The following MGAT4C variants were observed in gnomAD, a reference collection of about 807,000 sequenced individuals.
MGAT4C encodes alpha-1,3-mannosyl-glycoprotein 4-beta-N-acetylglucosaminyltransferase C.
In MGAT4C, 19 loss-of-function variants were observed where a neutral mutation model predicts 40.1. The ratio of observed to expected loss-of-function variants is 0.47; its 90% confidence interval spans 0.33 to 0.70. The LOEUF is 0.70. MGAT4C is among the 30% of genes least tolerant of loss of function. The pLI, the probability that MGAT4C is intolerant of heterozygous loss-of-function variation, is 0.02. For synonymous variants in MGAT4C, 181 were observed against 187.1 expected (o/e 0.97, Z 0.27); for missense variants, 491 against 563.2 (o/e 0.87, Z 1.30).
intron 2 of MGAT4C, among the ~76,000 whole-genome samples, chr12:86,641,059 C>T (rs1054139404): frequency 4.0e-5 from 6 of 151,404 alleles, no homozygotes; most frequent in South Asian, 2.1e-4. Flanking sequence ...TGGTGTGGTG[C>T]GGAAAAAAAT....
intron 1 of MGAT4C, among the ~76,000 whole-genome samples, chr12:86,797,802 C>T (rs1397648891): frequency 6.6e-6 from 1 of 151,866 alleles, no homozygotes; most frequent in African/African-American, 2.4e-5. Context: ...ATTTGAACCT[C>T]TCTTCTTCTG....
intron 1 of MGAT4C, among the ~76,000 whole-genome samples, chr12:86,752,080 G>A (rs1364164631): frequency 6.6e-6 from 1 of 151,976 alleles, no homozygotes; most frequent in Non-Finnish European, 1.5e-5. Flanking sequence ...TCACCAGATT[G>A]AATGAGATAA....
In MGAT4C at chr12:86,011,926, G is replaced by A. The variant is rs910378504; in HGVS notation, c.-6-22374C>T. On this transcript the variant is annotated intron_variant, in intron 2 of 4. Coordinates refer to ENST00000611864, the MANE Select transcript of MGAT4C (RefSeq NM_001351288.2). Reference sequence around the variant, plus strand: ...GCCTGAAAATAGCAATCACACAAATGAAGATGAGTTACTTGAGCAGGAGAT... The same window carrying A: ...GCCTGAAAATAGCAATCACACAAATAAAGATGAGTTACTTGAGCAGGAGAT... 2.3e-5 allele frequency: 21 copies of A among 894,586 alleles called. No individual in the cohort carries two copies. The African/African-American group carries it at 3.6e-4, about 15-fold the overall frequency. The allele number at this position is 894,586 out of a possible 1,614,324, so 55.4% of individuals were successfully genotyped here.
intron 4 of MGAT4C, among the ~76,000 whole-genome samples, chr12:86,281,463 T>C (rs888931065): frequency 1.3e-5 from 2 of 150,946 alleles, no homozygotes; most frequent in East Asian, 3.8e-4. Context: ...TGTATATGTA[T>C]CTTCAAAATG....
At chr12:86,264,646 G>C (rs1952741453) in intron 4 of MGAT4C, among the ~76,000 whole-genome samples, 1 of 152,186 alleles carries the variant, frequency 6.6e-6, no homozygotes, top group African/African-American at 2.4e-5. Context: ...GCCAGGGACA[G>C]GCAGGGTCCC....
At chr12:86,034,198 T>C (rs1395337312) in intron 2 of MGAT4C, among the ~76,000 whole-genome samples, 1 of 149,846 alleles carries the variant, frequency 6.7e-6, no homozygotes, top group Non-Finnish European at 1.5e-5. Flanking sequence ...ACCAAGGATA[T>C]TGGCATGAAG....
At chr12:86,284,702 T>C (rs1219148139) in intron 4 of MGAT4C, among the ~76,000 whole-genome samples, 1 of 151,994 alleles carries the variant, frequency 6.6e-6, no homozygotes, top group African/African-American at 2.4e-5. Flanking sequence ...ACCATGTAAG[T>C]GTACACTTTT....
chr12:86,417,513 T>C (rs1956742040), intron 3 of MGAT4C, among the ~76,000 whole-genome samples: 1 of 152,134 alleles, frequency 6.6e-6, no homozygotes, highest in Non-Finnish European at 1.5e-5. Context: ...TATTAGTAAT[T>C]TAATTAAATT....
intron 3 of MGAT4C, among the ~76,000 whole-genome samples, chr12:86,402,762 A>G (rs1365160645): frequency 6.6e-6 from 1 of 152,208 alleles, no homozygotes; most frequent in Non-Finnish European, 1.5e-5. Flanking sequence ...ATCTGGTTAT[A>G]AAGACAAATC....
chr12:86,099,810 A>C (rs1874633245), intron 1 of MGAT4C, among the ~76,000 whole-genome samples: 1 of 151,492 alleles, frequency 6.6e-6, no homozygotes, highest in African/African-American at 2.4e-5. Context: ...TGTGGCATGA[A>C]ACATGGCCAA....
intron 1 of MGAT4C, among the ~76,000 whole-genome samples, chr12:86,242,689 A>G (rs140918580): frequency 2.0e-5 from 3 of 152,142 alleles, no homozygotes; most frequent in African/African-American, 7.2e-5. Flanking sequence ...AAAGAGAGGG[A>G]AAAATGGAGG....
intron 1 of MGAT4C, among the ~76,000 whole-genome samples, chr12:86,144,288 T>C (rs1053092335): frequency 2.2e-4 from 34 of 152,230 alleles, no homozygotes; most frequent in Admixed American, 8.5e-4. Flanking sequence ...TTCTTTATTT[T>C]AGTAAGTAAA....
intron 1 of MGAT4C, among the ~76,000 whole-genome samples, chr12:86,178,057 C>G (rs1053149440): frequency 6.6e-6 from 1 of 152,134 alleles, no homozygotes; most frequent in African/African-American, 2.4e-5. Context: ...GTGCCTCAGC[C>G]TCCCGAGTAG....
chr12:86,635,262 A>C (rs1272038781), intron 2 of MGAT4C, among the ~76,000 whole-genome samples: 1 of 152,096 alleles, frequency 6.6e-6, no homozygotes, highest in East Asian at 1.9e-4. Context: ...TTATAACCTC[A>C]TGAAGGTGAA....
intron 2 of MGAT4C, among the ~76,000 whole-genome samples, chr12:86,610,736 C>T (rs910422486): frequency 1.4e-5 from 2 of 145,326 alleles, no homozygotes; most frequent in East Asian, 2.2e-4. Flanking sequence ...ATCCCACCCC[C>T]CTCCCCCTAC....
rs575015304 is a variant in MGAT4C at position 86,645,058 on chromosome 12, T to C, written c.-229+82151A>G. Among the ~76,000 whole-genome samples the C allele has an allele frequency of 5.5e-4, 84 of 151,720 alleles. 2 individuals carry two copies. The Middle Eastern group carries it at 0.017, about 31-fold the overall frequency. On this transcript the variant is annotated intron_variant, in intron 2 of 7. Coordinates refer to the MGAT4C transcript ENST00000548651. The stretch of plus-strand genomic sequence containing the variant: ...CAACTTATATACATATGTGATCTCA[T>C]ATATATGAATACTTCTGTACAAAAT...
At chr12:86,443,422 T>C (rs1172365930) in intron 2 of MGAT4C, among the ~76,000 whole-genome samples, 4 of 152,166 alleles carry the variant, frequency 2.6e-5, no homozygotes, top group Admixed American at 2.6e-4. Flanking sequence ...CAATTGTTAC[T>C]ACTTTAAATT....
At position 86,802,051 on chromosome 12, in the gene MGAT4C, T is replaced by A. The variant is rs561743431; in HGVS notation, c.-262+36615A>T. Among the ~76,000 whole-genome samples the A allele has an allele frequency of 1.6e-4, 25 of 152,032 alleles. 1 individual carries two copies. In the South Asian group the frequency reaches 3.1e-3, roughly 19 times the overall value. On this transcript the variant is annotated intron_variant, in intron 1 of 7. Transcript: ENST00000548651. ...CTATTAGGAACTTGTCATGGTGAAA[T>A]TCAGGACTGGCACTGGATCATGGTC... is the stretch of plus-strand genomic sequence containing the variant.
chr12:86,517,076 A>C (rs1958703787), intron 2 of MGAT4C, among the ~76,000 whole-genome samples: 1 of 152,164 alleles, frequency 6.6e-6, no homozygotes, highest in South Asian at 2.1e-4. Context: ...TATAACCCTC[A>C]TACATTGCAA....
Sources: gnomAD v4.1 joint callset for allele counts (sites outside exome capture counted in the v4.1 genomes callset) on GRCh38, gnomAD v4.1.1 for gene constraint, MANE v1.5 for transcripts, NCBI Gene and HGNC (gene_info 2026-07-23, HGNC 2026-07-21) for gene names.